The following C3orf20 variants were observed in gnomAD, a reference collection of about 807,000 sequenced individuals.
C3orf20 encodes family with sequence similarity 149 member C.
C3orf20 carries 76 observed loss-of-function variants against 88.3 expected under a neutral mutation model. The ratio of observed to expected loss-of-function variants is 0.86; its 90% confidence interval spans 0.72 to 1.04. The LOEUF is 1.04. C3orf20 is among the 50% of genes least tolerant of loss of function. C3orf20 has a pLI of 0.00. For missense variants in C3orf20, 1,056 were observed against 1,123.3 expected, an observed-to-expected ratio of 0.94 and a Z score of 0.86; for synonymous variants, 436 against 437.4, an observed-to-expected ratio of 1.00 and a Z score of 0.04.
intron 12 of C3orf20, among the ~76,000 whole-genome samples, chr3:14,738,087 C>T (rs999604906): frequency 8.6e-5 from 13 of 151,362 alleles, no homozygotes; most frequent in Non-Finnish European, 1.8e-4. Flanking sequence ...CAGAGTCATT[C>T]GTGAAGGTTG....
rs188408144 is a variant in C3orf20, at chr3:14,712,546, A to G, written c.1161-1461A>G. On this transcript the variant is annotated intron_variant, in intron 7 of 16. Transcript: ENST00000253697. Reference sequence around the variant, plus strand: ...CAATAATATATAAAACTCTGCTCCTATATAGCTGTATCCCTCCCCCTTTAT... The same window carrying G: ...CAATAATATATAAAACTCTGCTCCTGTATAGCTGTATCCCTCCCCCTTTAT... Among the ~76,000 whole-genome samples, 34 of 152,296 alleles carry G rather than the reference A, an allele frequency of 2.2e-4. 1 individual carries two copies. In the East Asian group the frequency reaches 6.0e-3, roughly 27 times the overall value.
At chr3:14,735,864 G>T (rs561405821) in intron 12 of C3orf20, among the ~76,000 whole-genome samples, 1 of 152,000 alleles carries the variant, frequency 6.6e-6, no homozygotes, top group South Asian at 2.1e-4. Context: ...CAAAGTGCTG[G>T]GATTACAGAC....
At position 14,757,617 on chromosome 3, in the gene C3orf20, G is replaced by C; in HGVS notation, c.2187G>C (p.Trp729Cys). ...ACACCAGCACTGGGCAGCTCCAGTG[G>C]CTGCTGAACACTCTCTACAACCACC... The part of the protein sequence containing the change: ...QNYTSTGQLQ[W>C]LLNTLYNHQQ... The change falls in exon 13 of 17, where the codon TGG becomes TGC. Residue 729 changes from tryptophan to cysteine, a missense_variant. Transcript: ENST00000253697. 1 of 1,613,826 alleles carries C rather than the reference G, an allele frequency of 6.2e-7. No homozygotes were observed. Among genetic ancestry groups the C allele is most frequent in the Non-Finnish European group, 8.5e-7 (1 of 1,179,918 alleles).
chr3:14,718,690 ATTC>A (rs934868472), intron 9 of C3orf20, among the ~76,000 whole-genome samples: 14 of 152,202 alleles, frequency 9.2e-5, no homozygotes, highest in Non-Finnish European at 1.3e-4. Flanking sequence ...GAGTGTTGAT[ATTC>A]TTGTTTTAAC....
intron 14 of C3orf20, among the ~76,000 whole-genome samples, chr3:14,760,878 G>A (rs1205415246): frequency 2.0e-5 from 3 of 152,134 alleles, no homozygotes; most frequent in African/African-American, 7.2e-5. Context: ...AAAGTGAAGA[G>A]TCTGTCATTT....
At chr3:14,725,447 A>G (rs554191721) in intron 10 of C3orf20, among the ~76,000 whole-genome samples, 2 of 152,290 alleles carry the variant, frequency 1.3e-5, no homozygotes, top group Non-Finnish European at 2.9e-5. Context: ...CTGGCTCCTC[A>G]CTAAATATTT....
rs774160624 is a variant in C3orf20, at chr3:14,757,667, G to A, written c.2237G>A (p.Cys746Tyr). ...NHQQRGRGSP[C>Y]IQCRYDSYRL... ...CAGCAGCGGGGCCGTGGCTCCCCCT[G>A]CATCCAGGTTGGTCTGGGCCCAGTG... The change falls in exon 13 of 17, where the codon TGC (cysteine) becomes TAC (tyrosine). Residue 746 changes from cysteine (C) to tyrosine (Y), a missense_variant. By Grantham distance (194) the Cys-to-Tyr change is radical. Coordinates refer to ENST00000253697, the MANE Select transcript of C3orf20 (RefSeq NM_032137.5). 3.2e-5 allele frequency: 51 copies of A among 1,609,752 alleles called. No homozygotes were observed. Among genetic ancestry groups the A allele is most frequent in the Non-Finnish European group, 4.2e-5 (50 of 1,177,156 alleles).
At chr3:14,689,830 G>A (rs1488994204) in intron 4 of C3orf20, among the ~76,000 whole-genome samples, 167 bp from the exon 5 acceptor site, 6 of 152,140 alleles carry the variant, frequency 3.9e-5, no homozygotes, top group East Asian at 1.9e-4. Flanking sequence ...TTGCTCTGCC[G>A]GTGCATTGCA....
In C3orf20 at chr3:14,710,599, C is replaced by T. The variant is rs559123561; in HGVS notation, c.1161-3408C>T. ...TAATTTCCCTTGTGATTTCTTTATC[C>T]ACCTGTTGTTTGTGTGTTGTTAATT... On this transcript the variant is annotated intron_variant, in intron 7 of 16. Coordinates refer to ENST00000253697, the MANE Select transcript of C3orf20 (RefSeq NM_032137.5). 3.2e-4 allele frequency among the ~76,000 whole-genome samples: 48 copies of T among 152,098 alleles called. No homozygotes were observed. In the South Asian group the frequency reaches 3.3e-3, roughly 11 times the overall value.
intron 12 of C3orf20, among the ~76,000 whole-genome samples, chr3:14,757,071 T>A (rs2035395243): frequency 6.6e-6 from 1 of 152,076 alleles, no homozygotes; most frequent in Admixed American, 6.5e-5. Context: ...AGGACAAGCT[T>A]GCTGACAAGA....
chr3:14,752,774 A>G (rs935302069), intron 12 of C3orf20, among the ~76,000 whole-genome samples: 11 of 152,254 alleles, frequency 7.2e-5, no homozygotes, highest in Non-Finnish European at 1.6e-4. Flanking sequence ...AATGCAAATC[A>G]AAACGATAAT....
intron 13 of C3orf20, 25 bp from the exon 14 acceptor site, chr3:14,759,866 A>G: frequency 6.3e-7 from 1 of 1,580,406 alleles, no homozygotes; most frequent in Non-Finnish European, 8.7e-7. Context: ...GGGGGTGACC[A>G]GTTCTCATAT....
chr3:14,687,921 G>A (rs1456833909), intron 4 of C3orf20, among the ~76,000 whole-genome samples: 1 of 152,068 alleles, frequency 6.6e-6, no homozygotes, highest in Admixed American at 6.5e-5. Flanking sequence ...TGCTGAGAGC[G>A]CCCCTCTCCA....
In C3orf20 at chr3:14,772,897, G is replaced by A. The variant is rs1391311775; in HGVS notation, c.*22G>A. 4 of 1,601,964 alleles carry A rather than the reference G, an allele frequency of 2.5e-6. No individual in the cohort carries two copies. The highest frequency in any genetic ancestry group is 3.4e-6 in the Non-Finnish European group (4 of 1,169,560). ...GTAGCGCCATCCTGGCAGCAGCCAA[G>A]TGAGCCAGGCCCCGGCCCGGGGTGC... On this transcript the variant is annotated 3_prime_UTR_variant, in exon 17 of 17. Transcript: ENST00000253697. This position sits in a 1 kb window ranked among gnomAD's most constrained non-coding sequence, Gnocchi z 4.2.
At chr3:14,682,518 A>G (rs1027772224) in intron 2 of C3orf20, 60 bp from the exon 3 acceptor site, 8 of 666,752 alleles carry the variant, frequency 1.2e-5, no homozygotes, top group Admixed American at 3.0e-5. Context: ...GGGACGGGGG[A>G]CCTCCCCTTG....
chr3:14,711,103 G>T (rs773067207), intron 7 of C3orf20, among the ~76,000 whole-genome samples: 1 of 152,028 alleles, frequency 6.6e-6, no homozygotes, highest in Non-Finnish European at 1.5e-5. Context: ...CACCATGTTG[G>T]CCAGGCTGGT....
intron 12 of C3orf20, among the ~76,000 whole-genome samples, chr3:14,748,157 G>A (rs2035112401): frequency 6.6e-6 from 1 of 151,784 alleles, no homozygotes; most frequent in Admixed American, 6.6e-5. Flanking sequence ...ACTTGTTAGA[G>A]GCTTATTCAG....
chr3:14,722,512 G>A (rs1183422861), intron 10 of C3orf20: 1 of 456,600 alleles, frequency 2.2e-6, no homozygotes, highest in Non-Finnish European at 4.4e-6. Flanking sequence ...ATGCTGAGTA[G>A]AAAACTACCA....
In C3orf20 at chr3:14,728,886, A is replaced by G. The variant is rs930840895; in HGVS notation, c.1940+198A>G. ...GACTAGGAAGAAAATAATTGGAGTA[A>G]TGGGTTAGGGCAGGGGTTGGCTATG... On this transcript the variant is annotated intron_variant, in intron 12 of 16. Transcript: ENST00000253697. 9.9e-5 allele frequency among the ~76,000 whole-genome samples: 15 copies of G among 152,200 alleles called. 1 individual carries two copies. The highest frequency in any genetic ancestry group is 7.2e-4 in the Admixed American group (11 of 15,284).
Sources: gnomAD v4.1 joint callset for allele counts (sites outside exome capture counted in the v4.1 genomes callset) on GRCh38, gnomAD v4.1.1 for gene constraint, Gnocchi (gnomAD v3.1) non-coding constraint, MANE v1.5 for transcripts, NCBI Gene and HGNC (gene_info 2026-07-23, HGNC 2026-07-21) for gene names.